The following NEGR1 variants were observed in gnomAD, a reference collection of about 807,000 sequenced individuals.
NEGR1 encodes the protein IgLON family member 4.
A neutral mutation model predicts 40.9 loss-of-function variants in NEGR1; 10 were observed. The ratio of observed to expected loss-of-function variants is 0.24; its 90% CI spans 0.15 to 0.42. The LOEUF (loss-of-function observed/expected upper bound fraction) is 0.42. Ranked by LOEUF, NEGR1 falls within the 10% of genes least tolerant of loss-of-function variation. The pLI, the probability that NEGR1 is intolerant of heterozygous loss-of-function variation, is 1.00. For missense variants in NEGR1, 352 were observed against 438.9 expected, an observed-to-expected ratio of 0.80 and a Z score of 1.77; for synonymous variants, 185 against 166.8, an observed-to-expected ratio of 1.11 and a Z score of -0.84.
intron 1 of NEGR1, among the ~76,000 whole-genome samples, chr1:71,942,038 A>G (rs1453748360): frequency 6.6e-6 from 1 of 151,904 alleles, no homozygotes; most frequent in Non-Finnish European, 1.5e-5. Context: ...TATTTTCAAA[A>G]TGGGAGTTAT....
chr1:71,887,997 AC>A (rs1341368161), intron 2 of NEGR1, among the ~76,000 whole-genome samples: 2 of 62,220 alleles, frequency 3.2e-5, no homozygotes, highest in African/African-American at 2.1e-4. Context: ...GAAAGGACAC[AC>A]ACACACACAC....
At chr1:71,527,486 A>G (rs1647233443) in intron 6 of NEGR1, among the ~76,000 whole-genome samples, 1 of 151,390 alleles carries the variant, frequency 6.6e-6, no homozygotes, top group Admixed American at 6.6e-5. Flanking sequence ...CTAGTCATTA[A>G]GATTTTCGAA....
intron 1 of NEGR1, among the ~76,000 whole-genome samples, chr1:71,949,367 C>T (rs1016557394): frequency 2.6e-5 from 4 of 152,036 alleles, no homozygotes; most frequent in African/African-American, 4.8e-5. Context: ...TCTTTATTGC[C>T]CTGCACTGTT....
intron 1 of NEGR1, among the ~76,000 whole-genome samples, chr1:72,129,827 G>C (rs1650175281): frequency 6.6e-6 from 1 of 152,084 alleles, no homozygotes; most frequent in Admixed American, 6.5e-5. Context: ...TTCAATTTAA[G>C]AAAATATTGT....
At chr1:72,143,835 C>G (rs998962708) in intron 1 of NEGR1, among the ~76,000 whole-genome samples, 3 of 144,214 alleles carry the variant, frequency 2.1e-5, no homozygotes, top group African/African-American at 7.7e-5. Context: ...GGAAAATGTA[C>G]TGATAACAAA....
chr1:71,987,886 G>T (rs1646410584), intron 1 of NEGR1, among the ~76,000 whole-genome samples: 1 of 152,180 alleles, frequency 6.6e-6, no homozygotes, highest in African/African-American at 2.4e-5. Flanking sequence ...AAACCAATCA[G>T]CTTTGACATA....
At chr1:71,865,372 C>G (rs545636906) in intron 2 of NEGR1, among the ~76,000 whole-genome samples, 1 of 151,954 alleles carries the variant, frequency 6.6e-6, no homozygotes, top group African/African-American at 2.4e-5. Context: ...AAAGAAAATG[C>G]GGCACTTATA....
chr1:71,474,083 A>G (rs910898244), intron 6 of NEGR1, among the ~76,000 whole-genome samples: 2 of 152,010 alleles, frequency 1.3e-5, no homozygotes, highest in African/African-American at 4.8e-5. Context: ...TCATTCAAAA[A>G]TCCTGGACAA....
intron 6 of NEGR1, among the ~76,000 whole-genome samples, chr1:71,483,693 A>G (rs1557541884): frequency 2.0e-5 from 3 of 151,772 alleles, no homozygotes; most frequent in Non-Finnish European, 4.4e-5. Flanking sequence ...TCAGAGAGAA[A>G]GAAAGAGCCC....
intron 1 of NEGR1, among the ~76,000 whole-genome samples, chr1:72,082,062 G>C (rs909988189): frequency 6.6e-6 from 1 of 152,076 alleles, no homozygotes; most frequent in African/African-American, 2.4e-5. Flanking sequence ...ATTTGACCTA[G>C]AACTATATTC....
chr1:72,053,615 T>C (rs1003082758), intron 1 of NEGR1, among the ~76,000 whole-genome samples: 12 of 151,102 alleles, frequency 7.9e-5, no homozygotes, highest in African/African-American at 2.7e-4. Flanking sequence ...CAAGGAACCA[T>C]AGTAAGGTAA....
intron 2 of NEGR1, among the ~76,000 whole-genome samples, chr1:71,903,249 T>C (rs1477338770): frequency 2.6e-5 from 4 of 151,994 alleles, no homozygotes; most frequent in Non-Finnish European, 5.9e-5. Flanking sequence ...TATGTAAACA[T>C]TTATTTTATG....
At chr1:72,187,577 C>A (rs752310279) in intron 1 of NEGR1, among the ~76,000 whole-genome samples, 1 of 151,204 alleles carries the variant, frequency 6.6e-6, no homozygotes, top group Non-Finnish European at 1.5e-5. Context: ...GTATTGAATG[C>A]CCAGGACCAA....
chr1:71,582,164 T>C (rs926731883), intron 6 of NEGR1, among the ~76,000 whole-genome samples: 1 of 152,016 alleles, frequency 6.6e-6, no homozygotes, highest in Non-Finnish European at 1.5e-5. Flanking sequence ...AATAAACACA[T>C]GGAGATGGTA....
At chr1:72,078,759 C>G (rs1199168941) in intron 1 of NEGR1, among the ~76,000 whole-genome samples, 1 of 150,830 alleles carries the variant, frequency 6.6e-6, no homozygotes, top group Non-Finnish European at 1.5e-5. Context: ...CCTGCCTCAG[C>G]CTCCCAAATA....
chr1:72,096,903 C>G (rs1348638426), intron 1 of NEGR1, among the ~76,000 whole-genome samples: 1 of 151,956 alleles, frequency 6.6e-6, no homozygotes. Flanking sequence ...AGGATGATCT[C>G]GATCTTCTGA....
At chr1:71,970,252 C>T (rs1379122114) in intron 1 of NEGR1, among the ~76,000 whole-genome samples, 2 of 152,024 alleles carry the variant, frequency 1.3e-5, no homozygotes, top group Non-Finnish European at 2.9e-5. Flanking sequence ...GGGAAAGAGA[C>T]GTGAGCTGGA....
chr1:72,040,428 C>T lies in NEGR1; in HGVS notation c.177-105117G>A, dbSNP rs371442325. On this transcript the variant is annotated intron_variant, in intron 1 of 6. Coordinates refer to ENST00000357731, the MANE Select transcript of NEGR1 (RefSeq NM_173808.3). Reference sequence around the variant, plus strand: ...CAGAGCACAGAAGCCAGCACTTAAGCACCTCTTAAATAAAAACACCTTCTT... The same window carrying T: ...CAGAGCACAGAAGCCAGCACTTAAGTACCTCTTAAATAAAAACACCTTCTT... 1.2e-4 allele frequency among the ~76,000 whole-genome samples: 18 copies of T among 151,564 alleles called. No homozygotes were observed. The East Asian group carries it at 1.6e-3, about 13-fold the overall frequency.
chr1:71,676,486 G>A (rs1297180748), intron 4 of NEGR1, among the ~76,000 whole-genome samples: 1 of 152,082 alleles, frequency 6.6e-6, no homozygotes, highest in African/African-American at 2.4e-5. Context: ...TGTAAGACAA[G>A]GAAACAGCAA....
Sources: gnomAD v4.1 joint callset for allele counts (sites outside exome capture counted in the v4.1 genomes callset) on GRCh38, gnomAD v4.1.1 for gene constraint, MANE v1.5 for transcripts, NCBI Gene and HGNC (gene_info 2026-07-23, HGNC 2026-07-21) for gene names.